The following DNM2 variants were observed in gnomAD, a reference collection of about 807,000 sequenced individuals.
DNM2 encodes the protein dynamin 2.
DNM2 carries 15 observed loss-of-function variants against 99.0 expected under a neutral mutation model. The ratio of observed to expected loss-of-function variants is 0.15; its 90% CI spans 0.10 to 0.23. The LOEUF (loss-of-function observed/expected upper bound fraction) is 0.23. DNM2 is among the 10% of genes least tolerant of loss of function. The pLI is 1.00. For synonymous variants in DNM2, 525 were observed against 481.2 expected (o/e 1.09, Z -1.19); for missense variants, 742 against 1,189.4 (o/e 0.62, Z 5.53).
intron 2 of DNM2, among the ~76,000 whole-genome samples, chr19:10,770,981 C>T (rs774174422): frequency 9.9e-5 from 15 of 152,280 alleles, no homozygotes; most frequent in Middle Eastern, 6.8e-3. Flanking sequence ...TCTGTAGAGA[C>T]GGGGTCTCAC....
intron 2 of DNM2, 149 bp downstream of exon 2, chr19:10,759,960 C>T (rs184356447): frequency 2.4e-5 from 27 of 1,139,350 alleles, no homozygotes; most frequent in Admixed American, 3.8e-5. Flanking sequence ...AATTGAAAAA[C>T]GGCTCAGTGA....
chr19:10,802,406 C>T (rs1414249371), intron 12 of DNM2, 48 bp downstream of exon 12: 2 of 1,594,228 alleles, frequency 1.3e-6, no homozygotes, highest in Middle Eastern at 1.7e-4. Flanking sequence ...AATCCTCACT[C>T]TCAGATCCAA....
intron 13 of DNM2, among the ~76,000 whole-genome samples, chr19:10,806,664 G>C (rs1033786948): frequency 6.6e-6 from 1 of 152,056 alleles, no homozygotes; most frequent in South Asian, 2.1e-4. Context: ...GTGGTGGCAC[G>C]CGCCTGTAAT....
chr19:10,824,166 C>T, intron 17 of DNM2: 1 of 487,056 alleles, frequency 2.1e-6, no homozygotes, highest in Non-Finnish European at 3.8e-6. Context: ...CCCCTTCCAT[C>T]CTGAGGTAGA....
At chr19:10,806,337 T>C (rs2072335458) in intron 13 of DNM2, among the ~76,000 whole-genome samples, 3 of 151,740 alleles carry the variant, frequency 2.0e-5, no homozygotes, top group African/African-American at 2.4e-5. Context: ...CTGGGCAACA[T>C]AGAAAGACTC....
intron 7 of DNM2, among the ~76,000 whole-genome samples, chr19:10,786,911 G>A (rs1341557659): frequency 2.0e-5 from 3 of 152,264 alleles, no homozygotes. Flanking sequence ...TGCCCCTGGA[G>A]TGCTCAGAAT....
chr19:10,718,888 A>G (rs985744792), intron 1 of DNM2, among the ~76,000 whole-genome samples: 1 of 152,056 alleles, frequency 6.6e-6, no homozygotes, highest in Non-Finnish European at 1.5e-5. Context: ...CCTCCCTGCC[A>G]CCACCATTTG....
rs202015612 is a variant in DNM2 at position 10,806,056 on chromosome 19, G to C, written c.1545+89G>C. On this transcript the variant is annotated intron_variant, in intron 13 of 20. Coordinates refer to ENST00000389253, the MANE Select transcript of DNM2 (RefSeq NM_001005361.3). ...AAGCCCCCGTGATGGAGCTCGGCCT[G>C]TGTAAAGCCCCACCCCACAGCCTCA... 5.8e-6 allele frequency: 9 copies of C among 1,542,562 alleles called. No individual in the cohort carries two copies. The East Asian group carries it at 2.0e-4, about 35-fold the overall frequency.
chr19:10,730,298 G>A (rs1489659950), intron 1 of DNM2, among the ~76,000 whole-genome samples: 1 of 152,178 alleles, frequency 6.6e-6, no homozygotes, highest in Non-Finnish European at 1.5e-5. Context: ...GCAACATGGT[G>A]AGACCTCGTC....
rs1413527485 is a variant in DNM2 at position 10,820,799 on chromosome 19, G to A, written c.1781+710G>A. ...CTGGGCAGTCACCATTGCGTGGATG[G>A]TATTTCAAGGAACGAAACCAGATGA... On this transcript the variant is annotated intron_variant, in intron 16 of 20. Transcript: ENST00000389253. This position sits in a 1 kb window ranked among gnomAD's most constrained non-coding sequence, Gnocchi z 4.3. 6.6e-6 allele frequency among the ~76,000 whole-genome samples: 1 copy of A among 152,226 alleles called. No individual in the cohort carries two copies. Among genetic ancestry groups the A allele is most frequent in the Non-Finnish European group, 1.5e-5 (1 of 68,030 alleles).
At chr19:10,789,214 A>G (rs879919551) in intron 7 of DNM2, among the ~76,000 whole-genome samples, 5 of 151,764 alleles carry the variant, frequency 3.3e-5, no homozygotes, top group Admixed American at 6.6e-5. Flanking sequence ...ACAAAGAAAC[A>G]AACAAACAAA....
chr19:10,790,884 G>A (rs2071732917), intron 7 of DNM2, among the ~76,000 whole-genome samples: 1 of 151,644 alleles, frequency 6.6e-6, no homozygotes, highest in Non-Finnish European at 1.5e-5. Flanking sequence ...TCCCACCACA[G>A]CCTCCCGAGT....
At chr19:10,774,358 T>G (rs1182495871) in intron 3 of DNM2, among the ~76,000 whole-genome samples, 1 of 152,190 alleles carries the variant, frequency 6.6e-6, no homozygotes, top group Non-Finnish European at 1.5e-5. Context: ...CAATTGTGAT[T>G]GTATCTATGT....
In DNM2 at chr19:10,757,537, G is replaced by A. The variant is rs554255046; in HGVS notation, c.162-2201G>A. Among the ~76,000 whole-genome samples the A allele has an allele frequency of 5.9e-5, 9 of 152,322 alleles. No homozygotes were observed. In the East Asian group the frequency reaches 1.5e-3, roughly 26 times the overall value. On this transcript the variant is annotated intron_variant, in intron 1 of 20. Transcript: ENST00000389253. ...TTGTAGTGCTAGTGACACTCACTCAGGGACCCAGGATGCTGTCTCGTTCTG... is the reference window on the plus strand; with the variant it reads ...TTGTAGTGCTAGTGACACTCACTCAAGGACCCAGGATGCTGTCTCGTTCTG...
chr19:10,762,006 T>C (rs1599500391), intron 2 of DNM2, among the ~76,000 whole-genome samples: 1 of 152,182 alleles, frequency 6.6e-6, no homozygotes. Flanking sequence ...CTGTTTCTCA[T>C]TGAGCAGGAT....
rs995195072 is a variant in DNM2 at position 10,718,578 on chromosome 19, T to C, written c.161+175T>C. The C allele has an allele frequency of 3.1e-6, 3 of 970,910 alleles. No homozygotes were observed. In the African/African-American group the frequency reaches 5.2e-5, roughly 17 times the overall value. The allele number at this position is 970,910 out of a possible 1,614,324, so 60.1% of individuals were successfully genotyped here. ...GGGACGCCCTGGGCAGAGGACTCCC[T>C]GCAGGGGCTCCGGAGCAGGCCCGGG... is the stretch of plus-strand genomic sequence containing the variant. On this transcript the variant is annotated intron_variant, in intron 1 of 20. Transcript: ENST00000389253.
intron 2 of DNM2, among the ~76,000 whole-genome samples, chr19:10,760,827 A>ATCTTTTTTTTTTTTTTTT (rs1663854487): frequency 2.4e-5 from 1 of 41,260 alleles, no homozygotes; most frequent in Non-Finnish European, 4.1e-5. Context: ...CACCCAGCTG[A>ATCTTTTTTTTTTTTTTTT]TTTTTTTTTT....
intron 1 of DNM2, among the ~76,000 whole-genome samples, chr19:10,733,380 A>G (rs1418974846): frequency 6.6e-6 from 1 of 150,464 alleles, no homozygotes; most frequent in Non-Finnish European, 1.5e-5. Context: ...TTCGGTAGAG[A>G]CAGGGTTTCT....
intron 1 of DNM2, among the ~76,000 whole-genome samples, chr19:10,721,170 AT>A (rs1166827759): frequency 6.6e-6 from 1 of 151,182 alleles, no homozygotes; most frequent in Non-Finnish European, 1.5e-5. Context: ...TTATATATAT[AT>A]TTTTACACCG....
Sources: allele counts gnomAD v4.1 joint callset (sites outside exome capture counted in the v4.1 genomes callset), GRCh38; gene constraint gnomAD v4.1.1; non-coding constraint Gnocchi (gnomAD v3.1); transcripts MANE v1.5; gene names NCBI Gene and HGNC (gene_info 2026-07-23, HGNC 2026-07-21).